The following NRG4 variants were observed in gnomAD, a reference collection of about 807,000 sequenced individuals.
NRG4 encodes the protein pro-neuregulin-4, membrane-bound isoform.
Under a neutral mutation model 15.0 loss-of-function variants are expected in NRG4, and 10 were observed. The observed-to-expected ratio is 0.67, with a 90% CI of 0.41 to 1.13. The LOEUF is 1.13. Among genes scored for constraint, NRG4 ranks in the 50% most tolerant of loss-of-function variants. The pLI is 0.00. For synonymous variants in NRG4, 41 were observed against 50.1 expected, an observed-to-expected ratio of 0.82 and a Z score of 0.77; for missense variants, 139 against 140.2, an observed-to-expected ratio of 0.99 and a Z score of 0.04.
chr15:75,940,397 T>G (rs1382017977), downstream of NRG4: 1 of 151,532 alleles, frequency 6.6e-6, no homozygotes, highest in Non-Finnish European at 1.5e-5. Flanking sequence ...TGTTAATATG[T>G]CAGTACTACT....
At chr15:76,022,408 A>G (rs1024174251) in intron 5 of NRG4, among the ~76,000 whole-genome samples, 16 of 134,738 alleles carry the variant, frequency 1.2e-4, no homozygotes, top group Non-Finnish European at 2.1e-4. Flanking sequence ...ACAGACACAT[A>G]TGTATGTCAA....
chr15:75,984,786 T>TA (rs968771395), intron 3 of NRG4, among the ~76,000 whole-genome samples: 2 of 152,026 alleles, frequency 1.3e-5, no homozygotes, highest in Non-Finnish European at 2.9e-5. Flanking sequence ...TAAAGTATAA[T>TA]AAAAAAAATT....
intron 5 of NRG4, among the ~76,000 whole-genome samples, chr15:76,029,508 T>C (rs1483362308): frequency 6.6e-6 from 1 of 152,206 alleles, no homozygotes; most frequent in African/African-American, 2.4e-5. Context: ...GCAGATGACA[T>C]GATCTTCTAT....
At chr15:76,008,894 T>G (rs1435792574) in intron 3 of NRG4, among the ~76,000 whole-genome samples, 1 of 152,176 alleles carries the variant, frequency 6.6e-6, no homozygotes, top group Non-Finnish European at 1.5e-5. Context: ...ATATTAAGCA[T>G]AGACTGCCTT....
At chr15:76,021,059 A>T (rs1325101367) in intron 5 of NRG4, among the ~76,000 whole-genome samples, 1 of 152,262 alleles carries the variant, frequency 6.6e-6, no homozygotes, top group Non-Finnish European at 1.5e-5. Flanking sequence ...GCTTCGAAGG[A>T]CAGGTTGACT....
At chr15:76,040,581 C>T (rs1397476397) in intron 4 of NRG4, among the ~76,000 whole-genome samples, 1 of 152,200 alleles carries the variant, frequency 6.6e-6, no homozygotes, top group Non-Finnish European at 1.5e-5. Flanking sequence ...GTGTAAACAA[C>T]TGTTATCCTA....
chr15:75,959,146 T>A, intron 4 of NRG4: 2 of 419,816 alleles, frequency 4.8e-6, no homozygotes, highest in Admixed American at 2.7e-5. Flanking sequence ...CACACCTGGA[T>A]AATTAAAAAA....
intron 4 of NRG4, among the ~76,000 whole-genome samples, chr15:75,961,345 C>A (rs1477453716): frequency 6.6e-6 from 1 of 151,792 alleles, no homozygotes; most frequent in South Asian, 2.1e-4. Flanking sequence ...GTCTGTCTCT[C>A]CAAATTGATT....
chr15:75,973,667 G>A (rs937471583), intron 3 of NRG4, among the ~76,000 whole-genome samples: 7 of 152,134 alleles, frequency 4.6e-5, no homozygotes, highest in Non-Finnish European at 7.4e-5. Context: ...GATGGATTAC[G>A]TGTATTGATT....
chr15:76,050,747 C>G (rs1247319491), intron 4 of NRG4, among the ~76,000 whole-genome samples: 1 of 147,000 alleles, frequency 6.8e-6, no homozygotes, highest in Non-Finnish European at 1.5e-5. Flanking sequence ...CCCAGCCGAG[C>G]CTTCGTTTTT....
rs530559766 is a variant in NRG4 at position 75,941,263 on chromosome 15, T to G, written c.*2375A>C. 3.3e-5 allele frequency: 5 copies of G among 152,204 alleles called. No individual in the cohort carries two copies. The South Asian group carries it at 1.0e-3, about 31-fold the overall frequency. The allele number at this position is 152,204 out of a possible 1,614,324, so 9.4% of individuals were successfully genotyped here. A position where few individuals can be genotyped will look rare whatever the true frequency, so the allele number is the denominator to read the frequency against. On this transcript the variant is annotated 3_prime_UTR_variant, in exon 6 of 6. Coordinates refer to ENST00000394907, the MANE Select transcript of NRG4 (RefSeq NM_138573.4). ...TTCATACCCACTGGGATAGCTCTTA[T>G]TAAAATTAAAAAAACACACAAGTGT...
chr15:76,051,447 T>C (rs963417411), intron 4 of NRG4, among the ~76,000 whole-genome samples: 2 of 150,912 alleles, frequency 1.3e-5, no homozygotes, highest in African/African-American at 4.9e-5. Flanking sequence ...AGCCTAAAAG[T>C]TGAATTCTAT....
At chr15:75,976,585 C>G (rs2033375649) in intron 3 of NRG4, among the ~76,000 whole-genome samples, 1 of 152,174 alleles carries the variant, frequency 6.6e-6, no homozygotes, top group African/African-American at 2.4e-5. Context: ...CAGTCAGGCT[C>G]CTCTGCTGCA....
At chr15:75,963,124 T>C (rs763609505) in intron 3 of NRG4, among the ~76,000 whole-genome samples, 1 of 152,126 alleles carries the variant, frequency 6.6e-6, no homozygotes, top group Non-Finnish European at 1.5e-5. Context: ...CATCAAGATA[T>C]AGCACAAAGG....
chr15:76,043,644 C>CA (rs1482293314), intron 4 of NRG4, among the ~76,000 whole-genome samples: 3 of 152,014 alleles, frequency 2.0e-5, no homozygotes, highest in Non-Finnish European at 4.4e-5. Context: ...GAAAAAGACA[C>CA]AAAAAATGGA....
chr15:75,978,391 T>C (rs904028115), intron 3 of NRG4, among the ~76,000 whole-genome samples: 1 of 152,226 alleles, frequency 6.6e-6, no homozygotes, highest in Admixed American at 6.5e-5. Context: ...ATTTTTTTTA[T>C]GGCTGAATAA....
chr15:76,018,187 T>C (rs1232599394), intron 5 of NRG4, among the ~76,000 whole-genome samples: 1 of 152,208 alleles, frequency 6.6e-6, no homozygotes, highest in African/African-American at 2.4e-5. Context: ...AGGTCACTTA[T>C]GTTCTTCTCT....
chr15:76,050,553 C>T (rs1596064300), intron 4 of NRG4, among the ~76,000 whole-genome samples: 2 of 146,600 alleles, frequency 1.4e-5, no homozygotes. Flanking sequence ...CCCTCAGCCT[C>T]CCAAGTAGCT....
chr15:75,946,601 C>T (rs927993303), intron 5 of NRG4, among the ~76,000 whole-genome samples: 2 of 152,198 alleles, frequency 1.3e-5, no homozygotes, highest in East Asian at 3.9e-4. Context: ...CCTCGTGATC[C>T]GCCTGCCTCA....
Sources: allele counts gnomAD v4.1 joint callset (sites outside exome capture counted in the v4.1 genomes callset), GRCh38; gene constraint gnomAD v4.1.1; transcripts MANE v1.5; gene names NCBI Gene and HGNC (gene_info 2026-07-23, HGNC 2026-07-21).